PAK2: variants seen among roughly 807,000 people sequenced by gnomAD.
PAK2 encodes the protein p21 (RAC1) activated kinase 2.
A neutral mutation model predicts 65.9 loss-of-function variants in PAK2; 21 were observed. The observed-to-expected ratio is 0.32, with a 90% CI of 0.23 to 0.46. The LOEUF (loss-of-function observed/expected upper bound fraction) is 0.46, where lower values mean the gene tolerates loss of function less well. PAK2 is among the 20% of genes least tolerant of loss of function. The pLI is 1.00. For missense variants in PAK2, 324 were observed against 642.6 expected, an observed-to-expected ratio of 0.50 and a Z score of 5.36; for synonymous variants, 204 against 219.7, an observed-to-expected ratio of 0.93 and a Z score of 0.63.
At chr3:196,770,668 G>A (rs113483935) in intron 1 of PAK2, among the ~76,000 whole-genome samples, 6,019 of 151,950 alleles carry the variant, frequency 0.04, 195 homozygotes, top group Middle Eastern at 0.078. Flanking sequence ...TGTCTCCTAC[G>A]CTGGAGTGCA....
At chr3:196,826,525 T>C (rs959856865) in intron 13 of PAK2, among the ~76,000 whole-genome samples, 1 of 152,156 alleles carries the variant, frequency 6.6e-6, no homozygotes, top group African/African-American at 2.4e-5. Context: ...AATCTCATTT[T>C]TTTTAATGAT....
intron 2 of PAK2, among the ~76,000 whole-genome samples, chr3:196,789,072 G>A (rs1049831794): frequency 1.3e-5 from 2 of 152,250 alleles, no homozygotes; most frequent in East Asian, 3.9e-4. Context: ...GAGAATGGTA[G>A]GTATATAGAA....
intron 2 of PAK2, among the ~76,000 whole-genome samples, chr3:196,784,288 C>A (rs1473720486): frequency 7.9e-6 from 1 of 126,430 alleles, no homozygotes; most frequent in Admixed American, 8.3e-5. Flanking sequence ...AGGTTAGTTA[C>A]ATATGTATAC....
intron 8 of PAK2, 148 bp downstream of exon 8, chr3:196,810,801 GC>G (rs1200811537): frequency 1.8e-6 from 1 of 555,542 alleles, no homozygotes; most frequent in African/African-American, 1.9e-5. Context: ...AATAAATAAT[GC>G]AGTTATTTGT....
intron 1 of PAK2, among the ~76,000 whole-genome samples, chr3:196,742,760 AC>A (rs1482857048): frequency 6.6e-6 from 1 of 151,984 alleles, no homozygotes; most frequent in African/African-American, 2.4e-5. Context: ...TAAAAATACA[AC>A]AAAAAATTAG....
chr3:196,760,876 G>C lies in PAK2; in HGVS notation c.-22+20719G>C, dbSNP rs143760480. 1.4e-4 allele frequency among the ~76,000 whole-genome samples: 22 copies of C among 152,290 alleles called. No homozygotes were observed. In the East Asian group the frequency reaches 3.3e-3, roughly 23 times the overall value. On this transcript the variant is annotated intron_variant, in intron 1 of 14. Coordinates refer to ENST00000327134, the MANE Select transcript of PAK2 (RefSeq NM_002577.4). Reference sequence around the variant, plus strand: ...CGTGTTAAAAGCATTATGTTAGATAGTGTCAGATAGGTACAGAGATGTATG... The same window carrying C: ...CGTGTTAAAAGCATTATGTTAGATACTGTCAGATAGGTACAGAGATGTATG...
At chr3:196,756,107 C>A (rs1394646860) in intron 1 of PAK2, among the ~76,000 whole-genome samples, 3 of 152,130 alleles carry the variant, frequency 2.0e-5, no homozygotes, top group Non-Finnish European at 4.4e-5. Flanking sequence ...TCTCCCTGTT[C>A]CCTACCGTCA....
At chr3:196,783,343 A>T (rs1388239762) in intron 2 of PAK2, among the ~76,000 whole-genome samples, 2 of 152,072 alleles carry the variant, frequency 1.3e-5, no homozygotes, top group Admixed American at 6.6e-5. Flanking sequence ...GGGTTTCTCA[A>T]CCTCAACACT....
intron 2 of PAK2, among the ~76,000 whole-genome samples, chr3:196,797,914 G>A (rs914515671): frequency 1.3e-5 from 2 of 152,090 alleles, no homozygotes; most frequent in South Asian, 4.1e-4. Flanking sequence ...ATATTAAGCC[G>A]AATGAAAATT....
In PAK2 at chr3:196,828,642, G is replaced by C. The variant is rs1711962688; in HGVS notation, c.*237G>C. On this transcript the variant is annotated 3_prime_UTR_variant, in exon 15 of 15. Coordinates refer to ENST00000327134, the MANE Select transcript of PAK2 (RefSeq NM_002577.4). ...ATTGTGGACTGAATCACTAGCCTTA[G>C]GTCTTTCAGCAAACAGCCTATCAGG... 2.2e-6 allele frequency: 1 copy of C among 455,776 alleles called. No individual in the cohort carries two copies. The highest frequency in any genetic ancestry group is 2.1e-5 in the African/African-American group (1 of 48,216). The allele number at this position is 455,776 out of a possible 1,614,324, so 28.2% of individuals were successfully genotyped here.
intron 2 of PAK2, among the ~76,000 whole-genome samples, chr3:196,792,900 G>A (rs1443642467): frequency 6.6e-6 from 1 of 152,146 alleles, no homozygotes; most frequent in Non-Finnish European, 1.5e-5. Flanking sequence ...GAAGGCAGAA[G>A]TGGTGGAAAA....
At chr3:196,787,580 GAAAAAA>G (rs58321910) in intron 2 of PAK2, among the ~76,000 whole-genome samples, 1 of 127,534 alleles carries the variant, frequency 7.8e-6, no homozygotes, top group East Asian at 2.4e-4. Flanking sequence ...CTCCGTCTCA[GAAAAAA>G]AAAAAAAAAA....
rs555131101 is a variant in PAK2, at chr3:196,797,308, C to T, written c.188-4619C>T. 1.5e-3 allele frequency among the ~76,000 whole-genome samples: 221 copies of T among 152,028 alleles called. 3 individuals are homozygous for T. Among genetic ancestry groups the T allele is most frequent in the African/African-American group, 5.2e-3 (214 of 41,480 alleles). ...GGTGAAACCGTCTTTACTAATTATA[C>T]AAAAATTAGCTGGGCGTGGTGGCAG... On this transcript the variant is annotated intron_variant, in intron 2 of 14. Coordinates refer to ENST00000327134, the MANE Select transcript of PAK2 (RefSeq NM_002577.4).
intron 1 of PAK2, among the ~76,000 whole-genome samples, chr3:196,750,297 G>C (rs923844231): frequency 6.6e-6 from 1 of 151,804 alleles, no homozygotes; most frequent in Non-Finnish European, 1.5e-5. Context: ...GCCTATACCT[G>C]GCTAATTTTT....
Position 196,790,158 on chromosome 3 carries a change from A to T in PAK2, c.187+7325A>T, listed in dbSNP as rs527521996. Among the ~76,000 whole-genome samples the T allele has an allele frequency of 3.9e-5, 6 of 152,342 alleles. No homozygotes were observed. In the South Asian group the frequency reaches 1.2e-3, roughly 32 times the overall value. On this transcript the variant is annotated intron_variant, in intron 2 of 14. Transcript: ENST00000327134. ...CTTATGGTTAGACTAGAAACAGAAG[A>T]GTCTTCCTTTTAAACAGATAAAGGG...
chr3:196,742,546 GATT>G (rs1019809925), intron 1 of PAK2, among the ~76,000 whole-genome samples: 6 of 152,088 alleles, frequency 3.9e-5, no homozygotes, highest in African/African-American at 9.7e-5. Context: ...CATCAAAATC[GATT>G]ATTATTATAA....
intron 2 of PAK2, among the ~76,000 whole-genome samples, chr3:196,796,018 C>T (rs920457468): frequency 6.6e-6 from 1 of 152,198 alleles, no homozygotes; most frequent in African/African-American, 2.4e-5. Context: ...CTGGATCCCT[C>T]GCGTGTGCAG....
At chr3:196,817,807 G>C (rs1424230799) in intron 11 of PAK2, among the ~76,000 whole-genome samples, 1 of 152,148 alleles carries the variant, frequency 6.6e-6, no homozygotes, top group Admixed American at 6.6e-5. Context: ...CTCTGAGTAA[G>C]ATCAGAGGGT....
Position 196,791,413 on chromosome 3 carries a change from T to G in PAK2, c.187+8580T>G, listed in dbSNP as rs1184226491. 6.6e-6 allele frequency among the ~76,000 whole-genome samples: 1 copy of G among 152,182 alleles called. No homozygotes were observed. Among genetic ancestry groups the G allele is most frequent in the Non-Finnish European group, 1.5e-5 (1 of 68,036 alleles). ...TTCTGCTTAATCGTTTTTGTGTTTT[T>G]CCTTTAACTTTTTACTCTATACTCC... On this transcript the variant is annotated intron_variant, in intron 2 of 14. Transcript: ENST00000327134. The surrounding 1 kb of genome is among the most constrained non-coding windows in gnomAD (Gnocchi z 4.0).
Sources: allele counts gnomAD v4.1 joint callset (sites outside exome capture counted in the v4.1 genomes callset), GRCh38; gene constraint gnomAD v4.1.1; non-coding constraint Gnocchi (gnomAD v3.1); transcripts MANE v1.5; gene names NCBI Gene and HGNC (gene_info 2026-07-23, HGNC 2026-07-21).